Variants in SNX25 observed in about 807,000 individuals in gnomAD.
SNX25 encodes sorting nexin 25.
A neutral mutation model predicts 113.7 loss-of-function variants in SNX25; 62 were observed. That is an observed-to-expected ratio of 0.55 (90% CI 0.44 to 0.67). SNX25 has a LOEUF of 0.67. SNX25 is among the 30% of genes least tolerant of loss of function. SNX25 has a pLI of 0.00. For missense variants in SNX25, 1,014 were observed against 1,161.0 expected (o/e 0.87, Z 1.84); for synonymous variants, 421 against 436.2 (o/e 0.97, Z 0.43).
intron 6 of SNX25, among the ~76,000 whole-genome samples, chr4:185,291,139 A>C (rs1752106250): frequency 6.6e-6 from 1 of 151,178 alleles, no homozygotes; most frequent in African/African-American, 2.4e-5. Context: ...TCTGGCCCTG[A>C]TCATTTAAAG....
intron 12 of SNX25, among the ~76,000 whole-genome samples, chr4:185,345,900 C>T (rs2095283683): frequency 6.6e-6 from 1 of 152,076 alleles, no homozygotes; most frequent in Non-Finnish European, 1.5e-5. Flanking sequence ...CTCTGTCTCC[C>T]AGGCCCAAGT....
At chr4:185,221,999 G>A (rs1265991054) in intron 1 of SNX25, among the ~76,000 whole-genome samples, 1 of 143,590 alleles carries the variant, frequency 7.0e-6, no homozygotes, top group Non-Finnish European at 1.5e-5. Flanking sequence ...CCTCCTTCAT[G>A]GTAGATATAT....
chr4:185,370,831 T>A, downstream of SNX25: 1 of 1,613,064 alleles, frequency 6.2e-7, no homozygotes, highest in Non-Finnish European at 8.5e-7. Context: ...GGATGTAGAG[T>A]TGTGAAATGG....
At chr4:185,257,277 C>T (rs1006940148) in intron 2 of SNX25, among the ~76,000 whole-genome samples, 7 of 151,754 alleles carry the variant, frequency 4.6e-5, no homozygotes, top group African/African-American at 1.7e-4. Flanking sequence ...TGTTTTTCTC[C>T]CTTGGGGCCC....
rs575386046 is a variant in SNX25, at chr4:185,344,874, C to T, written c.2188-1663C>T. Among the ~76,000 whole-genome samples the T allele has an allele frequency of 3.9e-5, 6 of 152,304 alleles. No individual in the cohort carries two copies. In the South Asian group the frequency reaches 1.2e-3, roughly 32 times the overall value. On this transcript the variant is annotated intron_variant, in intron 12 of 18. Transcript: ENST00000652585. ...TGAATGTCATGCATGCTACATTTCT[C>T]AGATGGCCTTTGGTCACCTTAGCAC...
intron 1 of SNX25, among the ~76,000 whole-genome samples, chr4:185,231,582 G>T (rs937090917): frequency 1.3e-5 from 2 of 151,818 alleles, no homozygotes; most frequent in Non-Finnish European, 2.9e-5. Context: ...TTGATGGTGG[G>T]CGCCTGTAGT....
intron 7 of SNX25, among the ~76,000 whole-genome samples, chr4:185,315,376 C>G (rs1313594410): frequency 1.3e-5 from 2 of 149,970 alleles, no homozygotes; most frequent in Non-Finnish European, 3.0e-5. Context: ...TCACTGCACC[C>G]TCCGCCTCCC....
intron 12 of SNX25, among the ~76,000 whole-genome samples, chr4:185,342,976 C>T (rs1319052336): frequency 2.6e-5 from 4 of 152,128 alleles, no homozygotes; most frequent in South Asian, 2.1e-4. Flanking sequence ...CTGCAACCTC[C>T]GCCTCCCAGG....
intron 5 of SNX25, among the ~76,000 whole-genome samples, chr4:185,267,539 C>T (rs1579547272): frequency 2.0e-5 from 3 of 151,800 alleles, no homozygotes; most frequent in Middle Eastern, 6.8e-3. Flanking sequence ...AAGACCAGCG[C>T]GGCCAACATG....
chr4:185,335,039 G>A (rs2095219900), intron 10 of SNX25, among the ~76,000 whole-genome samples: 1 of 152,094 alleles, frequency 6.6e-6, no homozygotes, highest in African/African-American at 2.4e-5. Context: ...CTTAAGATTG[G>A]CCAGGAGTGG....
chr4:185,318,971 A>G (rs560587527), intron 7 of SNX25, among the ~76,000 whole-genome samples: 2 of 152,284 alleles, frequency 1.3e-5, no homozygotes, highest in Admixed American at 1.3e-4. Flanking sequence ...TATCTTATGT[A>G]AAGTACAGAG....
Position 185,353,412 on chromosome 4 carries a change from TGAAGAG to T in SNX25, c.2467-71_2467-66del, listed in dbSNP as rs1272672528. ...GAGCAGATAGTTTGGAATTTACACT[TGAAGAG>T]GGAGAACAACTCTACCAATTTTCTT... On this transcript the variant is annotated intron_variant, in intron 14 of 18. Transcript: ENST00000652585. The T allele has an allele frequency of 3.9e-5, 46 of 1,169,384 alleles. 1 individual carries two copies. The Middle Eastern group carries it at 1.4e-3, about 35-fold the overall frequency. The allele number at this position is 1,169,384 out of a possible 1,614,324, so 72.4% of individuals were successfully genotyped here. A position where few individuals can be genotyped will look rare whatever the true frequency, so the allele number is the denominator to read the frequency against.
chr4:185,353,719 T>G, intron 15 of SNX25, 117 bp downstream of exon 15: 1 of 872,016 alleles, frequency 1.1e-6, no homozygotes, highest in Non-Finnish European at 1.9e-6. Flanking sequence ...TGTATTTATA[T>G]TCATGCATCC....
intron 6 of SNX25, among the ~76,000 whole-genome samples, chr4:185,298,047 C>G (rs1305038776): frequency 6.6e-6 from 1 of 151,882 alleles, no homozygotes; most frequent in East Asian, 1.9e-4. Flanking sequence ...GTCTGTACAC[C>G]ACTATCCTTT....
intron 4 of SNX25, among the ~76,000 whole-genome samples, chr4:185,265,725 A>G (rs1348043352): frequency 1.3e-5 from 2 of 152,106 alleles, no homozygotes; most frequent in Non-Finnish European, 2.9e-5. Context: ...TTGTAATAAC[A>G]TTTATCATCA....
At chr4:185,260,727 T>C (rs1747179693) in intron 3 of SNX25, among the ~76,000 whole-genome samples, 1 of 152,184 alleles carries the variant, frequency 6.6e-6, no homozygotes, top group South Asian at 2.1e-4. Context: ...ACCTTTTTAT[T>C]TTACTATAGT....
Position 185,321,879 on chromosome 4 carries a change from T to C in SNX25, c.1476+1015T>C, listed in dbSNP as rs538974345. ...AGCCATTTACGGAGCATTTACGTTGTATTAGGTATAAGTAATCTAGAGAGG... is the reference window on the plus strand; with the variant it reads ...AGCCATTTACGGAGCATTTACGTTGCATTAGGTATAAGTAATCTAGAGAGG... On this transcript the variant is annotated intron_variant, in intron 8 of 18. Transcript: ENST00000652585. Among the ~76,000 whole-genome samples, 15 of 152,320 alleles carry C rather than the reference T, an allele frequency of 9.8e-5. 1 individual carries two copies. The highest frequency in any genetic ancestry group is 3.1e-4 in the African/African-American group (13 of 41,584).
intron 1 of SNX25, among the ~76,000 whole-genome samples, chr4:185,212,219 CCGCCCTCCTCAGCCT>C (rs778326616): frequency 6.6e-6 from 1 of 152,024 alleles, no homozygotes; most frequent in Non-Finnish European, 1.5e-5. Context: ...CTCAAATGAT[CCGCCCTCCTCAGCCT>C]CGGAAAGTGT....
At position 185,338,186 on chromosome 4, in the gene SNX25, A is replaced by G. The variant is rs531669003; in HGVS notation, c.1915-1193A>G. On this transcript the variant is annotated intron_variant, in intron 10 of 18. Transcript: ENST00000652585. ...AATTTTGATGAATTCCAGTTTGTCTATTTCTTCTTTTGTTGCCTGTGCTTT... is the reference window on the plus strand; with the variant it reads ...AATTTTGATGAATTCCAGTTTGTCTGTTTCTTCTTTTGTTGCCTGTGCTTT... 2.6e-5 allele frequency among the ~76,000 whole-genome samples: 4 copies of G among 151,012 alleles called. No individual in the cohort carries two copies. In the South Asian group the frequency reaches 8.3e-4, roughly 31 times the overall value.
Sources: allele counts gnomAD v4.1 joint callset (sites outside exome capture counted in the v4.1 genomes callset), GRCh38; gene constraint gnomAD v4.1.1; transcripts MANE v1.5; gene names NCBI Gene and HGNC (gene_info 2026-07-23, HGNC 2026-07-21).